Variants in MEOX2 observed in about 807,000 individuals in gnomAD.
MEOX2 encodes the protein homeobox protein MOX-2.
A neutral mutation model predicts 27.0 loss-of-function variants in MEOX2; 11 were observed. The observed-to-expected ratio is 0.41, with a 90% CI of 0.26 to 0.68. The LOEUF is 0.68. MEOX2 is among the 30% of genes least tolerant of loss of function. MEOX2 has a pLI of 0.33. For missense variants in MEOX2, 436 were observed against 385.4 expected, an observed-to-expected ratio of 1.13 and a Z score of -1.10; for synonymous variants, 189 against 155.4, an observed-to-expected ratio of 1.22 and a Z score of -1.61.
intron 2 of MEOX2, among the ~76,000 whole-genome samples, chr7:15,615,029 A>C (rs1257396187): frequency 2.0e-5 from 3 of 152,134 alleles, no homozygotes; most frequent in Non-Finnish European, 4.4e-5. Context: ...TCAATTTGAC[A>C]ATAAAAAATA....
intron 1 of MEOX2, among the ~76,000 whole-genome samples, chr7:15,638,400 C>T (rs1168156256): frequency 1.3e-5 from 2 of 152,126 alleles, no homozygotes; most frequent in Non-Finnish European, 2.9e-5. Context: ...ACAGTTAACA[C>T]ACTTAAAATA....
At chr7:15,621,081 C>T (rs1781216521) in intron 2 of MEOX2, among the ~76,000 whole-genome samples, 1 of 152,176 alleles carries the variant, frequency 6.6e-6, no homozygotes, top group South Asian at 2.1e-4. Flanking sequence ...CCAGAATAAG[C>T]TTGTCCAAAT....
At chr7:15,642,011 G>A (rs138459201) in intron 1 of MEOX2, among the ~76,000 whole-genome samples, 1 of 152,182 alleles carries the variant, frequency 6.6e-6, no homozygotes, top group East Asian at 1.9e-4. Flanking sequence ...CTTTATAGGT[G>A]ATTTGACTAT....
intron 2 of MEOX2, among the ~76,000 whole-genome samples, chr7:15,622,924 T>C (rs1203185116): frequency 6.6e-6 from 1 of 152,196 alleles, no homozygotes; most frequent in African/African-American, 2.4e-5. Context: ...TCTTCAGCCA[T>C]CATATCAAGG....
intron 2 of MEOX2, among the ~76,000 whole-genome samples, chr7:15,617,775 C>A (rs996789092): frequency 2.0e-5 from 3 of 152,078 alleles, no homozygotes; most frequent in Non-Finnish European, 2.9e-5. Flanking sequence ...CATTGGGAAT[C>A]ATTTTCCTAC....
At chr7:15,668,754 G>T (rs1226464324) in intron 1 of MEOX2, among the ~76,000 whole-genome samples, 1 of 152,088 alleles carries the variant, frequency 6.6e-6, no homozygotes, top group African/African-American at 2.4e-5. Flanking sequence ...GAGATTACAG[G>T]CATGAGCCAC....
At chr7:15,619,489 C>T (rs1300908626) in intron 2 of MEOX2, among the ~76,000 whole-genome samples, 1 of 152,100 alleles carries the variant, frequency 6.6e-6, no homozygotes, top group South Asian at 2.1e-4. Flanking sequence ...GAAGAATTAT[C>T]TTTATCCTTT....
chr7:15,667,811 A>C (rs1319984444), intron 1 of MEOX2: 1 of 152,172 alleles, frequency 6.6e-6, no homozygotes, highest in Non-Finnish European at 1.5e-5. Context: ...AAGGTATTAG[A>C]AGTGTAGAGA....
rs772541981 is a variant in MEOX2, at chr7:15,612,631, C to T, written c.691-20G>A. On this transcript the variant is annotated intron_variant, in intron 2 of 2. Coordinates refer to ENST00000262041, the MANE Select transcript of MEOX2 (RefSeq NM_005924.5). ...TTTCACCTTCAACCAAGAAAGGGAA[C>T]AAACAAACAGAAAAAAAGAGATAAT... is the stretch of plus-strand genomic sequence containing the variant. The T allele has an allele frequency of 1.3e-6, 2 of 1,599,732 alleles. No individual in the cohort carries two copies.
chr7:15,670,994 C>A (rs1782085681), intron 1 of MEOX2, among the ~76,000 whole-genome samples: 2 of 152,076 alleles, frequency 1.3e-5, no homozygotes, highest in African/African-American at 4.8e-5. Flanking sequence ...ATAATTGGGA[C>A]ACTATGAGGC....
intron 2 of MEOX2, among the ~76,000 whole-genome samples, chr7:15,619,133 T>C (rs1470363554): frequency 6.6e-6 from 1 of 152,048 alleles, no homozygotes; most frequent in East Asian, 1.9e-4. Flanking sequence ...TGTACTCTTC[T>C]ATATAAAGAT....
intron 1 of MEOX2, among the ~76,000 whole-genome samples, chr7:15,630,385 AG>A (rs1781382735): frequency 2.0e-5 from 3 of 152,064 alleles, no homozygotes; most frequent in Admixed American, 2.0e-4. Context: ...ATTGAAGACA[AG>A]TAATGGGAGG....
chr7:15,682,500 A>T (rs1338574194), intron 1 of MEOX2, among the ~76,000 whole-genome samples: 9 of 151,918 alleles, frequency 5.9e-5, no homozygotes, highest in African/African-American at 1.9e-4. Context: ...ATCTAATATG[A>T]TTCAAAACCT....
chr7:15,620,247 T>C (rs1170269873), intron 2 of MEOX2, among the ~76,000 whole-genome samples: 4 of 152,208 alleles, frequency 2.6e-5, no homozygotes, highest in African/African-American at 7.2e-5. Flanking sequence ...GACTCCTATA[T>C]ACTGCTGTAA....
intron 2 of MEOX2, among the ~76,000 whole-genome samples, chr7:15,623,824 A>T (rs17419441): frequency 0.04 from 6,074 of 152,360 alleles, 152 homozygotes; most frequent in Middle Eastern, 0.068. Flanking sequence ...TTCTACACTC[A>T]TAACAATTGT....
intron 2 of MEOX2, among the ~76,000 whole-genome samples, chr7:15,620,026 C>G (rs746647881): frequency 6.6e-6 from 1 of 151,912 alleles, no homozygotes. Context: ...GTTTTTGATG[C>G]TTACCAATAC....
chr7:15,633,603 A>G (rs1352891051), intron 1 of MEOX2, among the ~76,000 whole-genome samples: 1 of 151,886 alleles, frequency 6.6e-6, no homozygotes, highest in African/African-American at 2.4e-5. Flanking sequence ...TTTTTTATTT[A>G]TATTATGAAA....
intron 1 of MEOX2, among the ~76,000 whole-genome samples, chr7:15,667,289 CAAAAAA>C (rs532691969): frequency 0.051 from 2,085 of 40,998 alleles, 140 homozygotes; most frequent in African/African-American, 0.2. Flanking sequence ...GACTCTGTCT[CAAAAAA>C]AAAAAAAAAA....
intron 2 of MEOX2, among the ~76,000 whole-genome samples, chr7:15,623,562 G>T (rs984390529): frequency 4.6e-5 from 7 of 152,066 alleles, no homozygotes; most frequent in African/African-American, 1.7e-4. Context: ...TAGAGACGGG[G>T]TTTCACCATG....
Sources: gnomAD v4.1 joint callset for allele counts (sites outside exome capture counted in the v4.1 genomes callset) on GRCh38, gnomAD v4.1.1 for gene constraint, MANE v1.5 for transcripts, NCBI Gene and HGNC (gene_info 2026-07-23, HGNC 2026-07-21) for gene names.